MECOM: variants seen among roughly 807,000 people sequenced by gnomAD.
The protein encoded by MECOM is histone-lysine N-methyltransferase MECOM.
Under a neutral mutation model 116.3 loss-of-function variants are expected in MECOM, and 13 were observed. The ratio of observed to expected loss-of-function variants is 0.11; its 90% CI spans 0.07 to 0.18. MECOM has a LOEUF of 0.18. Among genes scored for constraint, MECOM ranks in the 10% least tolerant of loss-of-function variants. The pLI is 1.00. For missense variants in MECOM, 1,299 were observed against 1,509.0 expected (o/e 0.86, Z 2.31); for synonymous variants, 528 against 535.2 (o/e 0.99, Z 0.19).
chr3:169,334,801 G>A (rs974369361), intron 2 of MECOM, among the ~76,000 whole-genome samples: 9 of 152,164 alleles, frequency 5.9e-5, no homozygotes, highest in Non-Finnish European at 1.0e-4. Context: ...CCCACCAAAG[G>A]TGGAGTCTAA....
chr3:169,411,211 CA>C (rs915695298), intron 1 of MECOM, among the ~76,000 whole-genome samples: 1 of 151,354 alleles, frequency 6.6e-6, no homozygotes, highest in African/African-American at 2.4e-5. Context: ...TTTCATTTTC[CA>C]AATGACACTA....
Position 169,093,106 on chromosome 3 carries a change from T to C in MECOM, c.3020-4A>G, listed in dbSNP as rs2148874638. 1 of 1,589,916 alleles carries C rather than the reference T, an allele frequency of 6.3e-7. No homozygotes were observed. The highest frequency in any genetic ancestry group is 2.2e-5 in the East Asian group (1 of 44,494). ...TGAGGCGACGATGTTGCTGTACCTGTGTGGAGCAGAAAGCCTTTTATGACA... is the reference window on the plus strand; with the variant it reads ...TGAGGCGACGATGTTGCTGTACCTGCGTGGAGCAGAAAGCCTTTTATGACA... On this transcript the variant is annotated splice_region_variant and splice_polypyrimidine_tract_variant and intron_variant, in intron 13 of 16. Transcript: ENST00000651503.
At chr3:169,411,339 C>T (rs533681923) in intron 1 of MECOM, among the ~76,000 whole-genome samples, 1 of 152,114 alleles carries the variant, frequency 6.6e-6, no homozygotes, top group Non-Finnish European at 1.5e-5. Flanking sequence ...CCCAAACTAA[C>T]CACAAGCAGG....
chr3:169,441,750 A>G, intron 1 of MECOM, among the ~76,000 whole-genome samples: 1 of 104,732 alleles, frequency 9.5e-6, no homozygotes, highest in Admixed American at 9.8e-5. Context: ...TTTTTAAAAA[A>G]GGGGGGGTCT....
chr3:169,193,775 A>G (rs1748029014), intron 2 of MECOM, among the ~76,000 whole-genome samples: 1 of 152,014 alleles, frequency 6.6e-6, no homozygotes, highest in Admixed American at 6.6e-5. Flanking sequence ...ATTAAAAGTC[A>G]TTGTTACAAT....
At chr3:169,350,288 C>A (rs961643133) in intron 2 of MECOM, among the ~76,000 whole-genome samples, 1 of 151,932 alleles carries the variant, frequency 6.6e-6, no homozygotes, top group Non-Finnish European at 1.5e-5. Context: ...CTAAGCTCTA[C>A]CCCCAAAGTA....
chr3:169,488,870 A>G (rs1295929358), intron 1 of MECOM, among the ~76,000 whole-genome samples: 1 of 152,074 alleles, frequency 6.6e-6, no homozygotes, highest in Non-Finnish European at 1.5e-5. Context: ...GAAATGGAGT[A>G]AAAACCAATG....
chr3:169,627,821 A>G (rs1420470274), intron 1 of MECOM, among the ~76,000 whole-genome samples: 3 of 152,242 alleles, frequency 2.0e-5, no homozygotes, highest in Non-Finnish European at 4.4e-5. Context: ...ACGTTTATAA[A>G]CAAGGACAAT....
At chr3:169,286,368 A>G (rs1416606580) in intron 2 of MECOM, among the ~76,000 whole-genome samples, 1 of 152,158 alleles carries the variant, frequency 6.6e-6, no homozygotes, top group Non-Finnish European at 1.5e-5. Flanking sequence ...TGTTGTCTCT[A>G]TCACTTATTA....
chr3:169,188,943 C>G (rs1747131669), intron 2 of MECOM, among the ~76,000 whole-genome samples: 1 of 152,068 alleles, frequency 6.6e-6, no homozygotes, highest in African/African-American at 2.4e-5. Flanking sequence ...AGTAATGACA[C>G]TTCATCTTAA....
chr3:169,634,025 G>A lies in MECOM; in HGVS notation c.37+29311C>T, dbSNP rs182202584. Among the ~76,000 whole-genome samples the A allele has an allele frequency of 3.3e-5, 5 of 152,158 alleles. No homozygotes were observed. In the East Asian group the frequency reaches 9.7e-4, roughly 29 times the overall value. On this transcript the variant is annotated intron_variant, in intron 1 of 16. Transcript: ENST00000651503. ...TTAGAGAACTCATCCCACAGAATGGGGCCATTCAGTGTGACAGAACAGGAC... is the reference window on the plus strand; with the variant it reads ...TTAGAGAACTCATCCCACAGAATGGAGCCATTCAGTGTGACAGAACAGGAC...
intron 2 of MECOM, among the ~76,000 whole-genome samples, chr3:169,275,192 T>C (rs2149666254): frequency 6.6e-6 from 1 of 152,280 alleles, no homozygotes; most frequent in African/African-American, 2.4e-5. Context: ...CCTGCTAAAA[T>C]AGTATGAATG....
Position 169,384,508 on chromosome 3 carries a change from A to T in MECOM, c.38-2984T>A, listed in dbSNP as rs138680823. ...ATTAATGGTCTTAGCACAGGTAAAA[A>T]CCTATAAAAACATCTCTTTAGAACT... On this transcript the variant is annotated intron_variant, in intron 1 of 16. Transcript: ENST00000651503. Among the ~76,000 whole-genome samples the T allele has an allele frequency of 4.9e-3, 752 of 152,258 alleles. 6 individuals are homozygous for T. Among genetic ancestry groups the T allele is most frequent in the African/African-American group, 0.017 (720 of 41,548 alleles).
intron 16 of MECOM, among the ~76,000 whole-genome samples, chr3:169,087,448 T>G (rs890220285): frequency 6.6e-6 from 1 of 151,892 alleles, no homozygotes; most frequent in Non-Finnish European, 1.5e-5. Flanking sequence ...AATTGAAAAA[T>G]TAGCCTGGCA....
At chr3:169,451,690 G>C (rs544505621) in intron 1 of MECOM, among the ~76,000 whole-genome samples, 32 of 152,214 alleles carry the variant, frequency 2.1e-4, no homozygotes, top group African/African-American at 7.2e-4. Flanking sequence ...GATGTCTTTA[G>C]TGTATTATAC....
rs1324508792 is a variant in MECOM at position 169,351,553 on chromosome 3, C to T, written c.375+29634G>A. Among the ~76,000 whole-genome samples the T allele has an allele frequency of 2.0e-5, 3 of 151,794 alleles. No homozygotes were observed. The East Asian group carries it at 5.8e-4, about 29-fold the overall frequency. On this transcript the variant is annotated intron_variant, in intron 2 of 16. Transcript: ENST00000651503. ...TACCTAAAATGAATGTTTTAAAGTA[C>T]ATAGAAAAATGATTCAGCAAAAATT...
intron 5 of MECOM, among the ~76,000 whole-genome samples, chr3:169,127,493 C>T (rs1733244893): frequency 6.6e-6 from 1 of 152,078 alleles, no homozygotes; most frequent in African/African-American, 2.4e-5. Flanking sequence ...TCTGAATGTT[C>T]CTAGGGGTAG....
chr3:169,626,880 A>T (rs950416477), intron 1 of MECOM, among the ~76,000 whole-genome samples: 10 of 151,518 alleles, frequency 6.6e-5, no homozygotes, highest in African/African-American at 2.4e-4. Context: ...CTCTCAAATA[A>T]GTGGGGTTTT....
At chr3:169,353,547 A>C (rs1184643886) in intron 2 of MECOM, among the ~76,000 whole-genome samples, 4 of 151,782 alleles carry the variant, frequency 2.6e-5, no homozygotes, top group Non-Finnish European at 5.9e-5. Context: ...GTTAACCCTA[A>C]ATAAGTAATG....
Sources: gnomAD v4.1 joint callset for allele counts (sites outside exome capture counted in the v4.1 genomes callset) on GRCh38, gnomAD v4.1.1 for gene constraint, MANE v1.5 for transcripts, NCBI Gene and HGNC (gene_info 2026-07-23, HGNC 2026-07-21) for gene names.